The following XRCC4 variants were observed in gnomAD, a reference collection of about 807,000 sequenced individuals.
The protein encoded by XRCC4 is DNA repair protein XRCC4.
XRCC4 carries 28 observed loss-of-function variants against 39.1 expected under a neutral mutation model. The observed-to-expected ratio is 0.72, with a 90% confidence interval of 0.53 to 0.98. XRCC4 has a LOEUF of 0.98. XRCC4 is among the 50% of genes least tolerant of loss of function. XRCC4 has a pLI of 0.00. For missense variants in XRCC4, 350 were observed against 376.4 expected (o/e 0.93, Z 0.58); for synonymous variants, 123 against 126.4 (o/e 0.97, Z 0.18).
At chr5:83,369,169 G>T in the XRCC4 span, among the ~76,000 whole-genome samples, 1 of 152,126 alleles carries the variant, frequency 6.6e-6, no homozygotes, top group African/African-American at 2.4e-5. Context: ...CAATGATCTT[G>T]CAAGAAACGG....
chr5:83,244,846 G>A (rs755499600), intron 6 of XRCC4, among the ~76,000 whole-genome samples: 6 of 152,146 alleles, frequency 3.9e-5, no homozygotes, highest in Non-Finnish European at 8.8e-5. Context: ...TGGAAAACCA[G>A]TAATTTCTTC....
chr5:83,297,464 C>T (rs1755134514), intron 7 of XRCC4, among the ~76,000 whole-genome samples: 1 of 151,810 alleles, frequency 6.6e-6, no homozygotes, highest in Admixed American at 6.6e-5. Flanking sequence ...TTCTTCAAAA[C>T]GCAATGCTTA....
intron 1 of XRCC4, among the ~76,000 whole-genome samples, chr5:83,090,506 A>G (rs75524866): frequency 0.015 from 2,298 of 152,240 alleles, 55 homozygotes; most frequent in African/African-American, 0.052. Flanking sequence ...ACTGAATCTC[A>G]GGTATGTCTA....
chr5:83,114,621 C>T (rs1388456952), intron 3 of XRCC4, among the ~76,000 whole-genome samples: 2 of 152,202 alleles, frequency 1.3e-5, no homozygotes. Flanking sequence ...TTCAACAATT[C>T]TCTAGGAAAT....
rs45503799 is a variant in XRCC4, at chr5:83,111,230, A to G, written c.315+27A>G. ...TAAGTAAAACTTTCCAAAATGTTAC[A>G]TAGTAAAATGTCAGAGCATTTATTG... On this transcript the variant is annotated intron_variant, in intron 3 of 7. Transcript: ENST00000396027. 5.5e-3 allele frequency: 8,471 copies of G among 1,534,234 alleles called. 37 individuals are homozygous for G. Among genetic ancestry groups the G allele is most frequent in the Non-Finnish European group, 6.7e-3 (7,614 of 1,138,714 alleles).
Position 83,334,606 on chromosome 5 carries a change from A to T in XRCC4, c.894-18525A>T, listed in dbSNP as rs28360323. On this transcript the variant is annotated intron_variant, in intron 7 of 7. Coordinates refer to ENST00000396027, the MANE Select transcript of XRCC4 (RefSeq NM_003401.5). ...AAATTATTAAGGGAAAAAATGGTAT[A>T]AACTCTTTTATAATACAACTACTTT... Among the ~76,000 whole-genome samples, 353 of 152,118 alleles carry T rather than the reference A, an allele frequency of 2.3e-3. 2 individuals are homozygous for T. The highest frequency in any genetic ancestry group is 8.1e-3 in the African/African-American group (336 of 41,566).
chr5:83,208,547 A>G (rs929022100), intron 6 of XRCC4, among the ~76,000 whole-genome samples: 5 of 152,046 alleles, frequency 3.3e-5, no homozygotes, highest in African/African-American at 1.2e-4. Context: ...CAATCAATTT[A>G]TGGCTTTTTT....
chr5:83,144,428 AT>A (rs1369581601), intron 3 of XRCC4, among the ~76,000 whole-genome samples: 7 of 151,796 alleles, frequency 4.6e-5, no homozygotes, highest in Admixed American at 1.3e-4. Flanking sequence ...CCTAATGACT[AT>A]TTCTCAGAAC....
chr5:83,079,251 AAC>A (rs1422567106), intron 1 of XRCC4, among the ~76,000 whole-genome samples: 1 of 152,274 alleles, frequency 6.6e-6, no homozygotes, highest in East Asian at 1.9e-4. Context: ...TCTATAGAGA[AAC>A]ACATATGCCA....
At chr5:83,345,117 ATTC>A (rs1158484807) in intron 7 of XRCC4, among the ~76,000 whole-genome samples, 1 of 152,096 alleles carries the variant, frequency 6.6e-6, no homozygotes, top group Non-Finnish European at 1.5e-5. Flanking sequence ...TTCTTTGGAT[ATTC>A]TTTGTTACTA....
intron 3 of XRCC4, among the ~76,000 whole-genome samples, chr5:83,138,819 T>A (rs558322153): frequency 1.4e-4 from 22 of 152,260 alleles, no homozygotes; most frequent in African/African-American, 5.1e-4. Flanking sequence ...TCGTAGTGAC[T>A]AGAACAATGA....
At chr5:83,077,690 C>A in intron 1 of XRCC4, 75 bp downstream of exon 1, 1 of 229,438 alleles carries the variant, frequency 4.4e-6, no homozygotes, top group Non-Finnish European at 8.9e-6. Flanking sequence ...TTTTTGCTTT[C>A]TTTTTAAAAA....
At chr5:83,248,405 AAG>A (rs1257282863) in intron 6 of XRCC4, among the ~76,000 whole-genome samples, 1 of 152,220 alleles carries the variant, frequency 6.6e-6, no homozygotes, top group Admixed American at 6.5e-5. Flanking sequence ...TAATCTAAGT[AAG>A]AAACTGTGGA....
At chr5:83,241,168 A>C (rs1244935432) in intron 6 of XRCC4, among the ~76,000 whole-genome samples, 1 of 151,328 alleles carries the variant, frequency 6.6e-6, no homozygotes, top group Non-Finnish European at 1.5e-5. Flanking sequence ...TTGAACCTCC[A>C]GGTGGTGGAG....
intron 3 of XRCC4, among the ~76,000 whole-genome samples, chr5:83,156,425 A>AG (rs949120850): frequency 6.6e-6 from 1 of 152,022 alleles, no homozygotes; most frequent in Non-Finnish European, 1.5e-5. Flanking sequence ...GCCTATAATG[A>AG]GGGGGAGAGA....
chr5:83,368,780 C>T, the XRCC4 span, among the ~76,000 whole-genome samples: 1 of 152,136 alleles, frequency 6.6e-6, no homozygotes, highest in Non-Finnish European at 1.5e-5. Context: ...GAAGTCCTTA[C>T]AGACATCCTA....
intron 3 of XRCC4, among the ~76,000 whole-genome samples, chr5:83,132,425 C>T (rs1403938375): frequency 2.0e-5 from 3 of 151,996 alleles, no homozygotes; most frequent in Admixed American, 6.6e-5. Context: ...TGAATGTTGG[C>T]CTTCCTTGCT....
chr5:83,336,813 C>A (rs1048318598), intron 7 of XRCC4, among the ~76,000 whole-genome samples: 1 of 152,118 alleles, frequency 6.6e-6, no homozygotes, highest in Non-Finnish European at 1.5e-5. Context: ...ACTTTCTCTT[C>A]CCAATCATTC....
the XRCC4 span, among the ~76,000 whole-genome samples, chr5:83,360,741 C>T: frequency 6.6e-6 from 1 of 151,904 alleles, no homozygotes; most frequent in Non-Finnish European, 1.5e-5. Flanking sequence ...GCCACGCCCA[C>T]TCCCCTGAAA....
Sources: allele counts gnomAD v4.1 joint callset (sites outside exome capture counted in the v4.1 genomes callset), GRCh38; gene constraint gnomAD v4.1.1; transcripts MANE v1.5; gene names NCBI Gene and HGNC (gene_info 2026-07-23, HGNC 2026-07-21).